The following TNRC6B variants were observed in gnomAD, a reference collection of about 807,000 sequenced individuals.
TNRC6B encodes the protein trinucleotide repeat-containing gene 6B protein.
Under a neutral mutation model 203.6 loss-of-function variants are expected in TNRC6B, and 52 were observed. The ratio of observed to expected loss-of-function variants is 0.26; its 90% CI spans 0.20 to 0.32. TNRC6B has a LOEUF of 0.32. Ranked by LOEUF, TNRC6B falls within the 10% of genes least tolerant of loss-of-function variation. TNRC6B has a pLI of 1.00. For synonymous variants in TNRC6B, 838 were observed against 845.7 expected (o/e 0.99, Z 0.16); for missense variants, 1,923 against 2,286.2 (o/e 0.84, Z 3.24).
At chr22:40,286,594 C>T (rs1447886985) in intron 12 of TNRC6B, among the ~76,000 whole-genome samples, 1 of 152,098 alleles carries the variant, frequency 6.6e-6, no homozygotes, top group East Asian at 1.9e-4. Flanking sequence ...CAATTAGGTG[C>T]TCTAGGGGGA....
chr22:40,266,493 C>T lies in TNRC6B; in HGVS notation c.2263C>T (p.Gln755Ter). The T allele has an allele frequency of 6.2e-7, 1 of 1,613,380 alleles. No individual in the cohort carries two copies. Among genetic ancestry groups the T allele is most frequent in the Non-Finnish European group, 8.5e-7 (1 of 1,179,628 alleles). Residue 755 changes from glutamine to a stop codon, truncating the protein, a stop_gained, in exon 5 of 23, where the codon CAG becomes TAG. Coordinates refer to ENST00000454349, the MANE Select transcript of TNRC6B (RefSeq NM_001162501.2). LOFTEE classifies it high-confidence loss of function. ...GAATGGTTGGGGGGAGGAAGTCGAT[C>T]AGACAAAAAACAGCAATTGGGAAAG... ...GKNGWGEEVD[Q>*]TKNSNWESSA...
intron 4 of TNRC6B, among the ~76,000 whole-genome samples, chr22:40,162,932 A>AT (rs1388409602): frequency 1.3e-5 from 2 of 152,256 alleles, no homozygotes; most frequent in African/African-American, 4.8e-5. Context: ...AACCATCAAC[A>AT]TTTTTTTGTA....
chr22:40,187,857 C>G (rs2069224053), intron 1 of TNRC6B, among the ~76,000 whole-genome samples: 1 of 152,164 alleles, frequency 6.6e-6, no homozygotes, highest in Non-Finnish European at 1.5e-5. Context: ...ATTTAATTAT[C>G]TCATTGATTG....
At position 40,331,140 on chromosome 22, in the gene TNRC6B, G is replaced by A. The variant is rs921105379; in HGVS notation, c.*7899G>A. 3 of 152,654 alleles carry A rather than the reference G, an allele frequency of 2.0e-5. No individual in the cohort carries two copies. The highest frequency in any genetic ancestry group is 7.2e-5 in the African/African-American group (3 of 41,436). The allele number at this position is 152,654 out of a possible 1,614,324, so 9.5% of individuals were successfully genotyped here. On this transcript the variant is annotated 3_prime_UTR_variant, in exon 23 of 23. Transcript: ENST00000454349. ...TTTTCCAGCTTCTGCCGTGTGCAGA[G>A]CGGGCAGCACGCTTTTACCCTTTGA...
chr22:40,138,023 G>A (rs563277307), intron 3 of TNRC6B, among the ~76,000 whole-genome samples: 1 of 151,674 alleles, frequency 6.6e-6, no homozygotes, highest in East Asian at 1.9e-4. Flanking sequence ...GGAGTGTGGA[G>A]AAATGATTAC....
upstream of TNRC6B, among the ~76,000 whole-genome samples, chr22:40,174,801 G>A (rs986295454): frequency 2.7e-5 from 4 of 150,592 alleles, no homozygotes; most frequent in African/African-American, 9.8e-5. Flanking sequence ...CTCTAGCCTG[G>A]GCGACAAAGC....
intron 1 of TNRC6B, among the ~76,000 whole-genome samples, chr22:40,102,803 G>T (rs181977682): frequency 6.6e-6 from 1 of 152,062 alleles, no homozygotes; most frequent in African/African-American, 2.4e-5. Flanking sequence ...AATTGACTGC[G>T]CGTGGTGGCT....
intron 1 of TNRC6B, among the ~76,000 whole-genome samples, chr22:40,183,002 T>A (rs1229228127): frequency 6.6e-6 from 1 of 152,188 alleles, no homozygotes; most frequent in East Asian, 1.9e-4. Context: ...GTCTCCACAA[T>A]ACTATCCGGT....
chr22:40,139,458 A>C (rs1400222593), intron 3 of TNRC6B, among the ~76,000 whole-genome samples: 1 of 150,898 alleles, frequency 6.6e-6, no homozygotes, highest in Non-Finnish European at 1.5e-5. Flanking sequence ...CACCCTCCTG[A>C]GTAGCTGGGA....
chr22:40,232,047 T>C (rs1366816150), intron 1 of TNRC6B, among the ~76,000 whole-genome samples: 1 of 152,156 alleles, frequency 6.6e-6, no homozygotes, highest in African/African-American at 2.4e-5. Context: ...GGAGAGGTGG[T>C]GATGGCAGTT....
intron 16 of TNRC6B, among the ~76,000 whole-genome samples, chr22:40,309,322 A>G (rs997383681): frequency 2.6e-5 from 4 of 152,264 alleles, no homozygotes; most frequent in Admixed American, 6.5e-5. Flanking sequence ...TGTATCCATG[A>G]GAACCAAGTA....
chr22:40,151,861 G>GA (rs1294070497), intron 3 of TNRC6B, among the ~76,000 whole-genome samples: 1 of 98,644 alleles, frequency 1.0e-5, no homozygotes, highest in Non-Finnish European at 1.9e-5. Flanking sequence ...AGAAAGAAAA[G>GA]AAAGAAGAAA....
intron 1 of TNRC6B, among the ~76,000 whole-genome samples, chr22:40,105,497 CTGTCCA>C (rs1555980586): frequency 6.6e-6 from 1 of 152,184 alleles, no homozygotes; most frequent in Non-Finnish European, 1.5e-5. Flanking sequence ...TCTATTTTTA[CTGTCCA>C]TGTCCCTGTA....
At chr22:40,158,149 C>T (rs1291708465) in intron 4 of TNRC6B, among the ~76,000 whole-genome samples, 1 of 151,914 alleles carries the variant, frequency 6.6e-6, no homozygotes, top group East Asian at 1.9e-4. Flanking sequence ...ACCAGCCTGA[C>T]CAACGTGGTG....
At chr22:40,314,679 T>C (rs2071232530) in intron 19 of TNRC6B, among the ~76,000 whole-genome samples, 1 of 152,256 alleles carries the variant, frequency 6.6e-6, no homozygotes, top group Admixed American at 6.5e-5. Context: ...TCACCACTTC[T>C]GTTGCTCATC....
intron 1 of TNRC6B, among the ~76,000 whole-genome samples, chr22:40,101,440 A>G (rs2146305172): frequency 6.6e-6 from 1 of 152,302 alleles, no homozygotes; most frequent in East Asian, 1.9e-4. Context: ...TTCTATCAGG[A>G]TTCCAAGTGC....
At chr22:40,296,118 G>T (rs746000964) in intron 12 of TNRC6B, among the ~76,000 whole-genome samples, 1 of 152,044 alleles carries the variant, frequency 6.6e-6, no homozygotes, top group African/African-American at 2.4e-5. Context: ...GAGAACGTGC[G>T]TACTTCCTAA....
chr22:40,055,957 TTAATC>T (rs1349569099), intron 1 of TNRC6B, among the ~76,000 whole-genome samples: 1 of 152,234 alleles, frequency 6.6e-6, no homozygotes, highest in Non-Finnish European at 1.5e-5. Context: ...TGAGCTAACA[TTAATC>T]TAATTTAATT....
chr22:40,240,950 A>T (rs186852618), intron 1 of TNRC6B, among the ~76,000 whole-genome samples: 204 of 152,292 alleles, frequency 1.3e-3, no homozygotes, highest in Admixed American at 2.1e-3. Flanking sequence ...TTTTTGAGAC[A>T]TAAATCAGGT....
Sources: allele counts gnomAD v4.1 joint callset (sites outside exome capture counted in the v4.1 genomes callset), GRCh38; gene constraint gnomAD v4.1.1; transcripts MANE v1.5; gene names NCBI Gene and HGNC (gene_info 2026-07-23, HGNC 2026-07-21).